Variants in TEAD4 observed in about 807,000 individuals in gnomAD.
TEAD4 encodes the protein TEA domain transcription factor 4.
A neutral mutation model predicts 52.4 loss-of-function variants in TEAD4; 36 were observed. The ratio of observed to expected loss-of-function variants is 0.69; its 90% confidence interval spans 0.53 to 0.91. The LOEUF is 0.91. Among genes scored for constraint, TEAD4 ranks in the 40% least tolerant of loss-of-function variants. The pLI, the probability that TEAD4 is intolerant of heterozygous loss-of-function variation, is 0.00. For missense variants in TEAD4, 508 were observed against 583.9 expected (o/e 0.87, Z 1.34); for synonymous variants, 220 against 231.0 (o/e 0.95, Z 0.43).
At position 3,017,464 on chromosome 12, in the gene TEAD4, G is replaced by T; in HGVS notation, c.421G>T (p.Ala141Ser). The T allele has an allele frequency of 6.2e-7, 1 of 1,614,148 alleles. No homozygotes were observed. Among genetic ancestry groups the T allele is most frequent in the Non-Finnish European group, 8.5e-7 (1 of 1,180,042 alleles). Residue 141 changes from alanine (A) to serine (S), a missense_variant, in exon 6 of 13, where the codon GCC (alanine) becomes TCC (serine). Coordinates refer to ENST00000359864, the MANE Select transcript of TEAD4 (RefSeq NM_003213.4). ...CATGTCGTCTGCACAGATCATCTCC[G>T]CCACGGCCTTCCACAGTAGCATGGC...
chr12:3,007,940 C>T (rs1020881923), intron 3 of TEAD4, among the ~76,000 whole-genome samples: 4 of 152,106 alleles, frequency 2.6e-5, no homozygotes, highest in African/African-American at 9.7e-5. Context: ...AAAACAGTTA[C>T]GGGACATCTG....
chr12:2,983,334 A>G (rs964271844), intron 2 of TEAD4, among the ~76,000 whole-genome samples: 1 of 152,180 alleles, frequency 6.6e-6, no homozygotes, highest in Non-Finnish European at 1.5e-5. Flanking sequence ...CCTGCGGGAC[A>G]GCCTTCCGGG....
intron 9 of TEAD4, among the ~76,000 whole-genome samples, chr12:3,021,024 C>A (rs572761341): frequency 6.6e-6 from 1 of 152,214 alleles, no homozygotes; most frequent in African/African-American, 2.4e-5. Flanking sequence ...CCTCCCTGTC[C>A]TGTGTTCCTC....
In TEAD4 at chr12:2,971,270, G is replaced by C. The variant is rs367607438; in HGVS notation, c.-30+11230G>C. 4.6e-5 allele frequency among the ~76,000 whole-genome samples: 7 copies of C among 152,278 alleles called. No homozygotes were observed. In the East Asian group the frequency reaches 1.4e-3, roughly 30 times the overall value. On this transcript the variant is annotated intron_variant, in intron 2 of 12. Transcript: ENST00000359864. The stretch of plus-strand genomic sequence containing the variant: ...TGTCCCAAGAGGAGGAGGCAGTTGA[G>C]CTGGCTTTGAGAGTGGGTGGGGTTC...
At chr12:3,005,063 C>G (rs1275960221) in intron 3 of TEAD4, among the ~76,000 whole-genome samples, 1 of 152,184 alleles carries the variant, frequency 6.6e-6, no homozygotes, top group Admixed American at 6.5e-5. Flanking sequence ...AAAAGCACAA[C>G]TTTAACAAAT....
At chr12:2,980,706 C>G (rs560112833) in intron 2 of TEAD4, among the ~76,000 whole-genome samples, 3 of 151,704 alleles carry the variant, frequency 2.0e-5, no homozygotes, top group Admixed American at 6.6e-5. Context: ...GTACTCCAGC[C>G]TGGGTGACAG....
intron 5 of TEAD4, among the ~76,000 whole-genome samples, chr12:3,015,139 A>G (rs1206441752): frequency 6.6e-6 from 1 of 152,172 alleles, no homozygotes; most frequent in Non-Finnish European, 1.5e-5. Context: ...GCCAGGGACA[A>G]ACCTCATCTA....
intron 2 of TEAD4, among the ~76,000 whole-genome samples, chr12:2,980,282 G>A (rs538279321): frequency 6.6e-6 from 1 of 152,240 alleles, no homozygotes; most frequent in South Asian, 2.1e-4. Context: ...TCCATGCAAC[G>A]AAAGAGACCA....
At chr12:3,000,462 C>T (rs1230869905) in intron 3 of TEAD4, among the ~76,000 whole-genome samples, 4 of 152,192 alleles carry the variant, frequency 2.6e-5, no homozygotes, top group African/African-American at 7.2e-5. Context: ...CTTGTTCAGG[C>T]CTTTTCTTCC....
chr12:3,037,667 C>G (rs2098280229), intron 10 of TEAD4, among the ~76,000 whole-genome samples: 1 of 152,192 alleles, frequency 6.6e-6, no homozygotes, highest in Admixed American at 6.5e-5. Flanking sequence ...AACTTGAAAT[C>G]TTAAAGATGG....
At chr12:2,989,797 C>G (rs886361335) in intron 2 of TEAD4, among the ~76,000 whole-genome samples, 3 of 152,126 alleles carry the variant, frequency 2.0e-5, no homozygotes, top group African/African-American at 7.2e-5. Context: ...CTTTTTCACT[C>G]TTCATGCTTT....
intron 2 of TEAD4, among the ~76,000 whole-genome samples, chr12:2,971,340 G>A (rs1377490821): frequency 6.6e-6 from 1 of 152,112 alleles, no homozygotes; most frequent in Admixed American, 6.6e-5. Context: ...CAGACAGAGA[G>A]GAAGAGAAAC....
chr12:2,968,359 T>A (rs1450090271), intron 2 of TEAD4, among the ~76,000 whole-genome samples: 1 of 147,694 alleles, frequency 6.8e-6, no homozygotes, highest in Non-Finnish European at 1.5e-5. Context: ...GTGCTGGGAT[T>A]ACAGGTGTGA....
intron 10 of TEAD4, among the ~76,000 whole-genome samples, chr12:3,031,233 A>C (rs1212076613): frequency 6.6e-6 from 1 of 151,836 alleles, no homozygotes; most frequent in Admixed American, 6.6e-5. Flanking sequence ...TTGCTTGAGC[A>C]CTCACCGCCC....
intron 2 of TEAD4, among the ~76,000 whole-genome samples, chr12:2,985,038 T>C (rs1384237233): frequency 3.9e-5 from 6 of 152,262 alleles, no homozygotes; most frequent in African/African-American, 1.2e-4. Context: ...ATATATTAAC[T>C]TGGCTTTCTG....
intron 10 of TEAD4, among the ~76,000 whole-genome samples, chr12:3,036,456 C>T (rs2098279499): frequency 6.6e-6 from 1 of 152,132 alleles, no homozygotes; most frequent in Admixed American, 6.5e-5. Context: ...CCCCTCATGG[C>T]CAGTAGTAGA....
chr12:3,024,613 C>T (rs1203225713), intron 10 of TEAD4, among the ~76,000 whole-genome samples: 5 of 152,060 alleles, frequency 3.3e-5, no homozygotes, highest in Non-Finnish European at 2.9e-5. Flanking sequence ...GCCAAAATCG[C>T]ACCATTGCAT....
intron 2 of TEAD4, among the ~76,000 whole-genome samples, chr12:2,981,193 A>T (rs993667017): frequency 2.0e-5 from 3 of 152,168 alleles, no homozygotes; most frequent in African/African-American, 7.2e-5. Flanking sequence ...CCCTCCCACA[A>T]GTGCTGGGCT....
At chr12:3,038,226 T>G in intron 11 of TEAD4, 118 bp downstream of exon 11, 1 of 1,342,052 alleles carries the variant, frequency 7.5e-7, no homozygotes, top group Non-Finnish European at 1.0e-6. Context: ...AATCCCTTGT[T>G]GCCTTCCCTG....
Sources: allele counts gnomAD v4.1 joint callset (sites outside exome capture counted in the v4.1 genomes callset), GRCh38; gene constraint gnomAD v4.1.1; transcripts MANE v1.5; gene names NCBI Gene and HGNC (gene_info 2026-07-23, HGNC 2026-07-21).